The following DNAH5 variants were observed in gnomAD, a reference collection of about 807,000 sequenced individuals.
The protein encoded by DNAH5 is dynein axonemal heavy chain 5.
A neutral mutation model predicts 518.2 loss-of-function variants in DNAH5; 372 were observed. The observed-to-expected ratio is 0.72, with a 90% CI of 0.66 to 0.78. The LOEUF is 0.78. DNAH5 is among the 30% of genes least tolerant of loss of function. The pLI, the probability that DNAH5 is intolerant of heterozygous loss-of-function variation, is 0.00. For missense variants in DNAH5, 5,523 were observed against 5,687.0 expected, an observed-to-expected ratio of 0.97 and a Z score of 0.93; for synonymous variants, 2,039 against 2,025.9, an observed-to-expected ratio of 1.01 and a Z score of -0.17.
At chr5:13,983,339 G>A (rs894849147) in intron 1 of DNAH5, among the ~76,000 whole-genome samples, 2 of 152,172 alleles carry the variant, frequency 1.3e-5, no homozygotes, top group Non-Finnish European at 2.9e-5. Context: ...AAATGGCTGG[G>A]GCAGTGGTTC....
chr5:13,850,737 G>A lies in DNAH5; in HGVS notation c.5029C>T (p.Gln1677Ter). The change falls in exon 31 of 79, where the codon CAG becomes TAG. Residue 1677 changes from glutamine (Q) to a stop codon, truncating the protein, a stop_gained. Transcript: ENST00000265104. LOFTEE classifies it high-confidence loss of function. ...TRAHEVPSVVQCCVGDETLGQ... is the reference protein window; with the variant it reads ...TRAHEVPSVV ...AGGGTCTCATCTCCAACACAGCACT[G>A]GACTACACTGGGCACTTCATGTGCC... 6.2e-7 allele frequency: 1 copy of A among 1,613,924 alleles called. No individual in the cohort carries two copies. Among genetic ancestry groups the A allele is most frequent in the Non-Finnish European group, 8.5e-7 (1 of 1,179,856 alleles).
intron 72 of DNAH5, among the ~76,000 whole-genome samples, chr5:13,718,425 C>A (rs1435511003): frequency 6.6e-6 from 1 of 152,158 alleles, no homozygotes; most frequent in Non-Finnish European, 1.5e-5. Context: ...GACCTCAGCC[C>A]CAGTCATGAT....
intron 66 of DNAH5, 27 bp downstream of exon 66, chr5:13,737,225 A>T (rs772965960): frequency 1.2e-6 from 2 of 1,613,662 alleles, no homozygotes; most frequent in South Asian, 2.2e-5. Context: ...TTTTCCTGTG[A>T]CATTTGTCTT....
At chr5:13,764,029 T>C (rs1752148799) in intron 59 of DNAH5, among the ~76,000 whole-genome samples, 1 of 152,210 alleles carries the variant, frequency 6.6e-6, no homozygotes, top group African/African-American at 2.4e-5. Context: ...GCCCCAGACA[T>C]AGCAGTCACT....
intron 42 of DNAH5, 129 bp downstream of exon 42, chr5:13,817,419 G>A (rs1761584225): frequency 2.2e-6 from 2 of 891,094 alleles, no homozygotes; most frequent in Non-Finnish European, 3.5e-6. Context: ...ATATCACACT[G>A]ATTTATGACT....
intron 8 of DNAH5, 48 bp downstream of exon 8, chr5:13,917,095 G>A (rs1776724275): frequency 4.3e-6 from 6 of 1,399,578 alleles, no homozygotes; most frequent in Non-Finnish European, 6.1e-6. Context: ...TTCAGCTAGT[G>A]CAAAAAGGGT....
At chr5:13,774,172 G>C (rs920673820) in intron 55 of DNAH5, among the ~76,000 whole-genome samples, 1 of 152,132 alleles carries the variant, frequency 6.6e-6, no homozygotes, top group Non-Finnish European at 1.5e-5. Context: ...GAGTTGAAGA[G>C]ATCATTAGAA....
At chr5:13,814,053 T>C (rs1226822135) in intron 43 of DNAH5, among the ~76,000 whole-genome samples, 1 of 152,150 alleles carries the variant, frequency 6.6e-6, no homozygotes, top group East Asian at 1.9e-4. Context: ...ATAATTTTGA[T>C]CAATATATTC....
chr5:13,999,458 T>C (rs996745364), intron 1 of DNAH5, among the ~76,000 whole-genome samples: 2 of 152,248 alleles, frequency 1.3e-5, no homozygotes, highest in Non-Finnish European at 2.9e-5. Context: ...CATGCGTTAG[T>C]TGTCTGTGAC....
intron 30 of DNAH5, among the ~76,000 whole-genome samples, chr5:13,859,221 A>G (rs767728913): frequency 3.3e-5 from 5 of 152,048 alleles, no homozygotes; most frequent in Non-Finnish European, 7.4e-5. Flanking sequence ...TTAACCCTCT[A>G]TCTCCTATCA....
chr5:14,002,894 A>G (rs1326611095), intron 1 of DNAH5, among the ~76,000 whole-genome samples: 2 of 152,060 alleles, frequency 1.3e-5, no homozygotes, highest in Non-Finnish European at 2.9e-5. Flanking sequence ...AAGAACAACC[A>G]CAAGTTGTGC....
chr5:13,896,710 T>G (rs933575121), intron 15 of DNAH5: 2 of 152,212 alleles, frequency 1.3e-5, no homozygotes, highest in Non-Finnish European at 2.9e-5. Flanking sequence ...GAAGGATTTT[T>G]CATCTGAAAT....
chr5:13,941,933 A>C (rs1437766026), intron 1 of DNAH5, among the ~76,000 whole-genome samples: 1 of 152,218 alleles, frequency 6.6e-6, no homozygotes, highest in African/African-American at 2.4e-5. Flanking sequence ...CTGGAAGTCA[A>C]CAAAGTCAAC....
intron 47 of DNAH5, among the ~76,000 whole-genome samples, chr5:13,797,643 T>C (rs962924517): frequency 6.6e-6 from 1 of 152,308 alleles, no homozygotes; most frequent in Admixed American, 6.5e-5. Context: ...GAAGACAGTG[T>C]GGTGATTCCT....
At chr5:13,862,924 A>G (rs1338954402) in intron 28 of DNAH5, among the ~76,000 whole-genome samples, 177 bp from the exon 29 acceptor site, 1 of 151,934 alleles carries the variant, frequency 6.6e-6, no homozygotes, top group Non-Finnish European at 1.5e-5. Context: ...ATACGCAGAT[A>G]CTGATGCATG....
Position 13,823,457 on chromosome 5 carries a change from C to T in DNAH5, c.6580-87G>A, listed in dbSNP as rs188811299. ...TAAACTGGAAATGCCCAACACAGTC[C>T]GGGTTATTGCAATGTAACCACTAAC... is the stretch of plus-strand genomic sequence containing the variant. On this transcript the variant is annotated intron_variant, in intron 39 of 78. Coordinates refer to ENST00000265104, the MANE Select transcript of DNAH5 (RefSeq NM_001369.3). 1.5e-4 allele frequency: 127 copies of T among 844,094 alleles called. 1 individual carries two copies. Among genetic ancestry groups the T allele is most frequent in the Non-Finnish European group, 2.1e-4 (102 of 491,016 alleles). 52.3% of individuals were successfully genotyped at this position (844,094 alleles called of 1,614,324 possible).
intron 68 of DNAH5, among the ~76,000 whole-genome samples, chr5:13,734,120 G>T (rs981952900): frequency 1.3e-5 from 2 of 152,126 alleles, no homozygotes; most frequent in African/African-American, 2.4e-5. Context: ...CCTTAGGAAT[G>T]AGATTAGTGC....
At chr5:13,758,719 T>G in intron 61 of DNAH5, 127 bp downstream of exon 61, 1 of 1,355,388 alleles carries the variant, frequency 7.4e-7, no homozygotes, top group Non-Finnish European at 1.0e-6. Flanking sequence ...TCAAAGACCC[T>G]TGGTGTCCAT....
At chr5:13,825,534 G>C (rs111987663) in intron 38 of DNAH5, among the ~76,000 whole-genome samples, 221 of 152,194 alleles carry the variant, frequency 1.5e-3, no homozygotes, top group African/African-American at 4.9e-3. Flanking sequence ...GCCATAAAAA[G>C]AAAGGACATC....
Sources: allele counts gnomAD v4.1 joint callset (sites outside exome capture counted in the v4.1 genomes callset), GRCh38; gene constraint gnomAD v4.1.1; transcripts MANE v1.5; gene names NCBI Gene and HGNC (gene_info 2026-07-23, HGNC 2026-07-21).